The following UGGT1 variants were observed in gnomAD, a reference collection of about 807,000 sequenced individuals.
UGGT1 encodes the protein UDP-glucose glycoprotein glucosyltransferase 1, also known as UDP-glucose:glycoprotein glucosyltransferase 1.
UGGT1 carries 107 observed loss-of-function variants against 203.9 expected under a neutral mutation model. That is an observed-to-expected ratio of 0.52 (90% CI 0.45 to 0.62). UGGT1 has a LOEUF of 0.62. UGGT1 is among the 20% of genes least tolerant of loss of function. The pLI is 0.00. For synonymous variants in UGGT1, 628 were observed against 653.5 expected (o/e 0.96, Z 0.59); for missense variants, 1,673 against 1,867.2 (o/e 0.90, Z 1.92).
Position 128,194,127 on chromosome 2 carries a change from T to C in UGGT1, c.*4385T>C, listed in dbSNP as rs1301720860. On this transcript the variant is annotated 3_prime_UTR_variant, in exon 41 of 41. Transcript: ENST00000259253. ...CCCCCCTCAAGACAGAGATTTGCTC[T>C]TGTTGCCCAGGGTGGAGTACAATGG... is the stretch of plus-strand genomic sequence containing the variant. 1 of 152,210 alleles carries C rather than the reference T, an allele frequency of 6.6e-6. No individual in the cohort carries two copies. Among genetic ancestry groups the C allele is most frequent in the Non-Finnish European group, 1.5e-5 (1 of 68,048 alleles). The allele number at this position is 152,210 out of a possible 1,614,324, so 9.4% of individuals were successfully genotyped here.
At chr2:128,119,592 G>A (rs1688281172) in intron 8 of UGGT1, among the ~76,000 whole-genome samples, 1 of 152,158 alleles carries the variant, frequency 6.6e-6, no homozygotes, top group Non-Finnish European at 1.5e-5. Flanking sequence ...CAGTAACTAT[G>A]GTTAGCCTAA....
Position 128,147,186 on chromosome 2 carries a change from A to T in UGGT1, c.2016+1219A>T, listed in dbSNP as rs566439080. On this transcript the variant is annotated intron_variant, in intron 18 of 40. Transcript: ENST00000259253. ...GGTGGTACTCTCTCATGTCCCACAGATCTCTTTATGTTCCTCAGACTGGAT... is the reference window on the plus strand; with the variant it reads ...GGTGGTACTCTCTCATGTCCCACAGTTCTCTTTATGTTCCTCAGACTGGAT... Among the ~76,000 whole-genome samples, 6 of 152,314 alleles carry T rather than the reference A, an allele frequency of 3.9e-5. No homozygotes were observed. The South Asian group carries it at 1.2e-3, about 32-fold the overall frequency.
In UGGT1 at chr2:128,133,141, T is replaced by C; in HGVS notation, c.1378T>C (p.Trp460Arg). The C allele has an allele frequency of 6.2e-7, 1 of 1,613,908 alleles. No homozygotes were observed. Among genetic ancestry groups the C allele is most frequent in the Admixed American group, 1.7e-5 (1 of 60,002 alleles). Reference protein sequence around the residue: ...AVDIRSPAISWVNNLEVDSRY... With the variant: ...AVDIRSPAISRVNNLEVDSRY... ...TATCCTGTTGTGTTATTTTTTGTAG[T>C]GGGTCAACAACCTGGAGGTTGATAG... The change falls in exon 14 of 41, where the codon TGG becomes CGG. Residue 460 changes from tryptophan (W) to arginine (R), a missense_variant and splice_region_variant. Physicochemically the swap from Trp to Arg is moderately radical, Grantham distance 101. Around this residue, in one of 4 missense-constraint regions of UGGT1, gnomAD observed 1,073 missense variants for 1,078.7 expected, o/e 0.99. Coordinates refer to ENST00000259253, the MANE Select transcript of UGGT1 (RefSeq NM_020120.4).
intron 11 of UGGT1, among the ~76,000 whole-genome samples, chr2:128,126,663 A>G (rs991471510): frequency 3.4e-5 from 5 of 146,778 alleles, no homozygotes; most frequent in African/African-American, 1.3e-4. Flanking sequence ...TAGATATGCT[A>G]TTCACCAGCT....
chr2:128,152,437 G>C (rs998237440), intron 18 of UGGT1, among the ~76,000 whole-genome samples: 1 of 152,222 alleles, frequency 6.6e-6, no homozygotes, highest in Non-Finnish European at 1.5e-5. Context: ...GGGATTACAG[G>C]CATGAGCCAC....
At chr2:128,149,330 T>C (rs7419331) in intron 18 of UGGT1, among the ~76,000 whole-genome samples, 135,237 of 150,130 alleles carry the variant, frequency 0.9, 61,669 homozygotes, top group Non-Finnish European at 0.98. Flanking sequence ...GCATGAGCCA[T>C]CGTGCCTGGC....
At chr2:128,105,492 T>C (rs1573499924) in intron 3 of UGGT1, among the ~76,000 whole-genome samples, 1 of 129,180 alleles carries the variant, frequency 7.7e-6, no homozygotes. Flanking sequence ...TTTTACTTTA[T>C]TTTATTTTAT....
At chr2:128,166,845 A>G (rs1416912884) in intron 26 of UGGT1, among the ~76,000 whole-genome samples, 1 of 152,144 alleles carries the variant, frequency 6.6e-6, no homozygotes, top group Admixed American at 6.5e-5. Flanking sequence ...CCTGTGTCCT[A>G]TTCCTCTGTG....
chr2:128,135,453 T>A (rs1689089101), intron 15 of UGGT1, among the ~76,000 whole-genome samples: 1 of 152,228 alleles, frequency 6.6e-6, no homozygotes, highest in Admixed American at 6.5e-5. Flanking sequence ...TTTTATTTTT[T>A]AAAGGTTTTA....
At chr2:128,110,872 G>A (rs1687815847) in intron 5 of UGGT1, among the ~76,000 whole-genome samples, 1 of 152,116 alleles carries the variant, frequency 6.6e-6, no homozygotes, top group Non-Finnish European at 1.5e-5. Context: ...GGATTTTTAA[G>A]TCATTTCCTC....
chr2:128,174,859 G>A lies in UGGT1; in HGVS notation c.3539+1G>A, dbSNP rs1691295597. The A allele has an allele frequency of 6.2e-7, 1 of 1,610,284 alleles. No individual in the cohort carries two copies. The highest frequency in any genetic ancestry group is 8.5e-7 in the Non-Finnish European group (1 of 1,178,278). ...CTGAAGATATTTATAGAATTTACAG[G>A]TAGGAGTAAGTGATGCAGTTACATT... On this transcript the variant is annotated splice_donor_variant, in intron 31 of 40. Coordinates refer to ENST00000259253, the MANE Select transcript of UGGT1 (RefSeq NM_020120.4). LOFTEE classifies it high-confidence loss of function.
chr2:128,158,167 T>C (rs1690333069), intron 22 of UGGT1, among the ~76,000 whole-genome samples: 1 of 152,188 alleles, frequency 6.6e-6, no homozygotes, highest in Admixed American at 6.5e-5. Context: ...AATGCGTAAA[T>C]CTTCAAATGG....
rs200498399 is a variant in UGGT1, at chr2:128,174,766, G to T, written c.3454-7G>T. On this transcript the variant is annotated splice_region_variant and splice_polypyrimidine_tract_variant and intron_variant, in intron 30 of 40. Coordinates refer to ENST00000259253, the MANE Select transcript of UGGT1 (RefSeq NM_020120.4). ...GAGAGCTAACTGGACTTTTCTTCTT[G>T]TCCTAGGGCTACTTTCAGCTGAAAG... 6.2e-7 allele frequency: 1 copy of T among 1,612,252 alleles called. No individual in the cohort carries two copies. The highest frequency in any genetic ancestry group is 2.2e-5 in the East Asian group (1 of 44,840).
chr2:128,140,620 T>C (rs943069061), intron 16 of UGGT1: 7 of 152,272 alleles, frequency 4.6e-5, no homozygotes, highest in African/African-American at 1.2e-4. Flanking sequence ...CTGCAGGCTG[T>C]GCAGAGCCAC....
chr2:128,116,871 T>C (rs1688127378), intron 8 of UGGT1, among the ~76,000 whole-genome samples: 1 of 152,200 alleles, frequency 6.6e-6, no homozygotes, highest in African/African-American at 2.4e-5. Context: ...TGCCCACAGT[T>C]TAAGTGCGTT....
In UGGT1 at chr2:128,164,751, G is replaced by A. The variant is rs377728773; in HGVS notation, c.2847G>A (p.Lys949=). Residue 949 remains lysine, a synonymous_variant, in exon 26 of 41, where the codon AAG becomes AAA. Transcript: ENST00000259253. ...EEDVASDLVM[K]VDALLSAQPK... is the part of the protein sequence containing the mutation. ...TCAGGGCAAGCGACTTGGTAATGAA[G>A]GTGGATGCTCTTCTGTCAGCGCAAC... 5.6e-6 allele frequency: 9 copies of A among 1,613,696 alleles called. No individual in the cohort carries two copies. In the African/African-American group the frequency reaches 8.0e-5, roughly 14 times the overall value.
At chr2:128,091,703 C>T (rs1686873904) in intron 1 of UGGT1, 1 of 846,764 alleles carries the variant, frequency 1.2e-6, no homozygotes, top group African/African-American at 1.8e-5. Flanking sequence ...GGGGAGGTAT[C>T]CTACCATGGA....
rs1444546045 is a variant in UGGT1 at position 128,164,766 on chromosome 2, G to A, written c.2862G>A (p.Leu954=). The change falls in exon 26 of 41, where the codon CTG becomes CTA. Residue 954 remains leucine, a synonymous_variant. Coordinates refer to ENST00000259253, the MANE Select transcript of UGGT1 (RefSeq NM_020120.4). ...SDLVMKVDAL[L]SAQPKGDPRI... ...TGGTAATGAAGGTGGATGCTCTTCT[G>A]TCAGCGCAACCAAAAGGAGATCCAA... The A allele has an allele frequency of 2.2e-5, 36 of 1,613,534 alleles. No individual in the cohort carries two copies. Among genetic ancestry groups the A allele is most frequent in the Non-Finnish European group, 3.0e-5 (35 of 1,179,726 alleles).
At chr2:128,117,011 T>C (rs1312311449) in intron 8 of UGGT1, among the ~76,000 whole-genome samples, 1 of 152,206 alleles carries the variant, frequency 6.6e-6, no homozygotes, top group African/African-American at 2.4e-5. Context: ...TCAAACATAG[T>C]CTGAGCAAAA....
Sources: gnomAD v4.1 joint callset for allele counts (sites outside exome capture counted in the v4.1 genomes callset) on GRCh38, gnomAD v4.1.1 for gene constraint, gnomAD v4.1.1 regional missense constraint, MANE v1.5 for transcripts, NCBI Gene and HGNC (gene_info 2026-07-23, HGNC 2026-07-21) for gene names.